MALRD1: variants seen among roughly 807,000 people sequenced by gnomAD.
MALRD1 encodes MAM and LDL-receptor class A domain-containing protein 1.
In MALRD1, 247 loss-of-function variants were observed where a neutral mutation model predicts 242.1. That is an observed-to-expected ratio of 1.02 (90% CI 0.92 to 1.13). MALRD1 has a LOEUF of 1.13. Among genes scored for constraint, MALRD1 ranks in the 50% most tolerant of loss-of-function variants. The pLI is 0.00. For missense variants in MALRD1, 2,989 were observed against 2,533.1 expected (o/e 1.18, Z -3.86); for synonymous variants, 995 against 866.6 (o/e 1.15, Z -2.60).
At chr10:19,712,410 G>C (rs1486249936) in intron 38 of MALRD1, among the ~76,000 whole-genome samples, 1 of 152,076 alleles carries the variant, frequency 6.6e-6, no homozygotes, top group Non-Finnish European at 1.5e-5. Context: ...CATAGATTCA[G>C]AACAGTTTAA....
chr10:19,293,997 C>G (rs1841572433), intron 21 of MALRD1, among the ~76,000 whole-genome samples: 1 of 151,918 alleles, frequency 6.6e-6, no homozygotes, highest in Non-Finnish European at 1.5e-5. Flanking sequence ...TAAAATGACA[C>G]AGAGAGTGAG....
At chr10:19,395,544 T>A (rs756418325) in intron 28 of MALRD1, among the ~76,000 whole-genome samples, 2 of 152,138 alleles carry the variant, frequency 1.3e-5, no homozygotes, top group African/African-American at 2.4e-5. Flanking sequence ...AGCAAAGGGA[T>A]GACTGGATAG....
rs564209749 is a variant in MALRD1 at position 19,598,995 on chromosome 10, A to T, written c.5944+3538A>T. 1.9e-3 allele frequency among the ~76,000 whole-genome samples: 290 copies of T among 152,280 alleles called. 2 individuals carry two copies. Among genetic ancestry groups the T allele is most frequent in the African/African-American group, 6.7e-3 (279 of 41,552 alleles). On this transcript the variant is annotated intron_variant, in intron 34 of 39. Transcript: ENST00000454679. ...AAAATATAAATTGGAAAAAGCCAAA[A>T]AAGTGGTTTTTGGGATTTTGGAGAG...
intron 28 of MALRD1, among the ~76,000 whole-genome samples, chr10:19,393,165 A>G (rs1846409225): frequency 6.6e-6 from 1 of 152,122 alleles, no homozygotes; most frequent in African/African-American, 2.4e-5. Context: ...ACTGGGCCCT[A>G]TCTTTTTCTG....
rs12358812 is a variant in MALRD1 at position 19,164,278 on chromosome 10, T to A, written c.1657-1359T>A. On this transcript the variant is annotated intron_variant, in intron 12 of 39. Transcript: ENST00000454679. Reference sequence around the variant, plus strand: ...TGGTGTTTTAAAATGAACAATTTTTTTAAAAAAGCATTTAAAACATTTTTT... The same window carrying A: ...TGGTGTTTTAAAATGAACAATTTTTATAAAAAAGCATTTAAAACATTTTTT... 2.0e-5 allele frequency among the ~76,000 whole-genome samples: 3 copies of A among 152,030 alleles called. No homozygotes were observed. The East Asian group carries it at 5.8e-4, about 29-fold the overall frequency.
chr10:19,595,119 A>T (rs1281677790), intron 33 of MALRD1, 75 bp from the exon 34 acceptor site: 16 of 1,361,956 alleles, frequency 1.2e-5, no homozygotes, highest in African/African-American at 1.5e-5. Context: ...TAAGAAATGC[A>T]ACCTGTAATG....
At chr10:19,112,684 T>G (rs1335943700) in intron 5 of MALRD1, among the ~76,000 whole-genome samples, 1 of 152,172 alleles carries the variant, frequency 6.6e-6, no homozygotes, top group African/African-American at 2.4e-5. Context: ...GGCTTGACTA[T>G]TTTATCTGGA....
At chr10:19,256,526 T>G (rs547320072) in intron 18 of MALRD1, among the ~76,000 whole-genome samples, 2 of 152,210 alleles carry the variant, frequency 1.3e-5, no homozygotes, top group East Asian at 3.9e-4. Flanking sequence ...GGACACTTCC[T>G]GTATAACACC....
intron 28 of MALRD1, among the ~76,000 whole-genome samples, chr10:19,440,422 G>A (rs1358247635): frequency 6.6e-6 from 1 of 151,800 alleles, no homozygotes; most frequent in Non-Finnish European, 1.5e-5. Context: ...GTATACATGT[G>A]TCATGTTGGT....
chr10:19,242,888 A>G (rs1588765528), intron 18 of MALRD1, among the ~76,000 whole-genome samples: 1 of 151,960 alleles, frequency 6.6e-6, no homozygotes, highest in East Asian at 1.9e-4. Context: ...CATCCACTTT[A>G]TATCTTTTAA....
chr10:19,066,886 C>T, intron 2 of MALRD1, 27 bp downstream of exon 2: 1 of 1,230,902 alleles, frequency 8.1e-7, no homozygotes, highest in East Asian at 3.2e-5. Flanking sequence ...TATTTTCTCC[C>T]CTCTCTCCCT....
At chr10:19,488,431 G>C (rs529679893) in intron 29 of MALRD1, among the ~76,000 whole-genome samples, 3 of 152,168 alleles carry the variant, frequency 2.0e-5, no homozygotes, top group African/African-American at 7.2e-5. Context: ...GGAATAAAAG[G>C]GTACTTAGGT....
intron 18 of MALRD1, among the ~76,000 whole-genome samples, chr10:19,235,588 G>C (rs1301803873): frequency 1.5e-5 from 2 of 134,986 alleles, no homozygotes; most frequent in African/African-American, 5.2e-5. Context: ...CAGAGAGAGA[G>C]AGAGAGAGAG....
chr10:19,292,064 C>T lies in MALRD1; in HGVS notation c.3419+8883C>T, dbSNP rs563344116. 3.5e-4 allele frequency among the ~76,000 whole-genome samples: 37 copies of T among 105,896 alleles called. No individual in the cohort carries two copies. The East Asian group carries it at 0.01, about 30-fold the overall frequency. The allele number at this position is 105,896 out of a possible 152,430, so 69.5% of individuals were successfully genotyped here. A position where few individuals can be genotyped will look rare whatever the true frequency, so the allele number is the denominator to read the frequency against. ...TGCCACTGCACTCCAGCCTGGATGA[C>T]AGAGCAAGACCGTCTCAAAAAAAAA... On this transcript the variant is annotated intron_variant, in intron 21 of 39. Coordinates refer to ENST00000454679, the MANE Select transcript of MALRD1 (RefSeq NM_001142308.3).
chr10:19,392,041 G>T (rs577319842), intron 28 of MALRD1, among the ~76,000 whole-genome samples: 1 of 152,150 alleles, frequency 6.6e-6, no homozygotes, highest in Non-Finnish European at 1.5e-5. Context: ...ACATGGAATC[G>T]GATTTAAAAG....
At chr10:19,567,407 C>T (rs1836303124) in intron 32 of MALRD1, 95 bp from the exon 33 acceptor site, 1 of 1,093,320 alleles carries the variant, frequency 9.1e-7, no homozygotes, top group Admixed American at 2.3e-5. Flanking sequence ...TGAGCTGTTA[C>T]ATAGCCAGAG....
chr10:19,327,567 T>C lies in MALRD1; in HGVS notation c.3581T>C (p.Leu1194Pro). The part of the protein sequence containing the change: ...NGATVGSLQV[L>P]IKKDNVTSKL... ...TTACTTGATTTATCTCTATAGGTGC[T>C]CATCAAGAAAGATAACGTTACTTCT... The change falls in exon 23 of 40, where the codon CTC (leucine) becomes CCC (proline). Residue 1194 changes from leucine to proline, a missense_variant. Coordinates refer to ENST00000454679, the MANE Select transcript of MALRD1 (RefSeq NM_001142308.3). 6.5e-7 allele frequency: 1 copy of C among 1,548,048 alleles called. No homozygotes were observed. Among genetic ancestry groups the C allele is most frequent in the Non-Finnish European group, 8.7e-7 (1 of 1,144,752 alleles).
chr10:19,108,387 C>CTTTTTTTTTTTTTTTTTTT lies in MALRD1; in HGVS notation c.694+4332_694+4350dup, dbSNP rs35948766. ...TTATTGAGCTCATGAATTGTTTTTT[C>CTTTTTTTTTTTTTTTTTTT]TTTTTTTTTTTTTTTTTTTTTTTTT... On this transcript the variant is annotated intron_variant, in intron 5 of 39. Transcript: ENST00000454679. Among the ~76,000 whole-genome samples the CTTTTTTTTTTTTTTTTTTT allele has an allele frequency of 8.1e-4, 16 of 19,764 alleles. 8 individuals are homozygous for CTTTTTTTTTTTTTTTTTTT. The highest frequency in any genetic ancestry group is 1.3e-3 in the Admixed American group (2 of 1,486). 13.0% of individuals were successfully genotyped at this position (19,764 alleles called of 152,430 possible). A position where few individuals can be genotyped will look rare whatever the true frequency, so the allele number is the denominator to read the frequency against.
At chr10:19,170,866 G>A (rs779595895) in intron 13 of MALRD1, among the ~76,000 whole-genome samples, 18 of 152,074 alleles carry the variant, frequency 1.2e-4, no homozygotes, top group African/African-American at 3.6e-4. Context: ...ACAAGTGAAT[G>A]TGACTGGCAT....
Sources: allele counts gnomAD v4.1 joint callset (sites outside exome capture counted in the v4.1 genomes callset), GRCh38; gene constraint gnomAD v4.1.1; transcripts MANE v1.5; gene names NCBI Gene and HGNC (gene_info 2026-07-23, HGNC 2026-07-21).